Variants in LIMA1 observed in about 807,000 individuals in gnomAD.
The protein encoded by LIMA1 is LIM domain and actin binding 1.
LIMA1 carries 52 observed loss-of-function variants against 62.6 expected under a neutral mutation model. That is an observed-to-expected ratio of 0.83 (90% CI 0.67 to 1.05). LIMA1 has a LOEUF of 1.05. LIMA1 is among the 50% of genes least tolerant of loss of function. The probability of loss-of-function intolerance (pLI) is 0.00; values close to 1 mark genes in which losing one functional copy is unlikely to be tolerated. For synonymous variants in LIMA1, 302 were observed against 317.8 expected (o/e 0.95, Z 0.53); for missense variants, 780 against 902.2 (o/e 0.86, Z 1.74).
chr12:50,255,157 CCT>C (rs370502546), intron 1 of LIMA1, among the ~76,000 whole-genome samples: 58 of 152,210 alleles, frequency 3.8e-4, no homozygotes, highest in Non-Finnish European at 6.5e-4. Context: ...TCAGTGGCCT[CCT>C]CTCTTTTTTT....
chr12:50,283,101 T>C (rs1942359748), intron 1 of LIMA1, among the ~76,000 whole-genome samples: 1 of 151,854 alleles, frequency 6.6e-6, no homozygotes, highest in Admixed American at 6.6e-5. Context: ...TTTGGAGTTT[T>C]AATGAATTGT....
At chr12:50,281,639 C>G (rs1942341178) in intron 1 of LIMA1, among the ~76,000 whole-genome samples, 2 of 152,168 alleles carry the variant, frequency 1.3e-5, no homozygotes. Flanking sequence ...GGAAACAGAT[C>G]CAACTATTTA....
intron 5 of LIMA1, 108 bp from the exon 6 acceptor site, chr12:50,204,808 C>T: frequency 1.9e-6 from 2 of 1,060,010 alleles, no homozygotes; most frequent in Non-Finnish European, 2.8e-6. Flanking sequence ...CAGCCTCGAA[C>T]TCCTGAGCTC....
At chr12:50,193,207 C>CA (rs1188031345) in intron 8 of LIMA1, among the ~76,000 whole-genome samples, 2 of 151,344 alleles carry the variant, frequency 1.3e-5, no homozygotes, top group Non-Finnish European at 2.9e-5. Flanking sequence ...GCTTATTTTT[C>CA]AAAAAAATGT....
rs557821277 is a variant in LIMA1, at chr12:50,190,626, C to T, written c.1140+1826G>A. On this transcript the variant is annotated intron_variant, in intron 9 of 10. Coordinates refer to ENST00000341247, the MANE Select transcript of LIMA1 (RefSeq NM_016357.5). ...AACTCCCGACCTCAGGTGATCCGCC[C>T]GTCTCAGCCTCCCAAAGTGCTGGGA... Among the ~76,000 whole-genome samples, 21 of 146,986 alleles carry T rather than the reference C, an allele frequency of 1.4e-4. No individual in the cohort carries two copies. In the East Asian group the frequency reaches 4.2e-3, roughly 30 times the overall value.
chr12:50,236,585 C>T (rs550829248), intron 2 of LIMA1, among the ~76,000 whole-genome samples: 1 of 152,026 alleles, frequency 6.6e-6, no homozygotes, highest in Non-Finnish European at 1.5e-5. Flanking sequence ...AGGCGTGAGC[C>T]ACCGCACCCG....
intron 3 of LIMA1, among the ~76,000 whole-genome samples, chr12:50,225,251 T>C (rs571653385): frequency 7.8e-4 from 118 of 152,240 alleles, no homozygotes; most frequent in African/African-American, 2.3e-3. Context: ...TTTAATTTAT[T>C]ATTTTTCTCA....
intron 9 of LIMA1, among the ~76,000 whole-genome samples, chr12:50,184,692 G>T (rs1940586776): frequency 6.6e-6 from 1 of 152,126 alleles, no homozygotes; most frequent in Non-Finnish European, 1.5e-5. Flanking sequence ...TAAATTTTTG[G>T]TGTAATAGTA....
chr12:50,176,753 C>T lies in LIMA1; in HGVS notation c.*311G>A. 1 of 249,214 alleles carries T rather than the reference C, an allele frequency of 4.0e-6. No homozygotes were observed. Among genetic ancestry groups the T allele is most frequent in the South Asian group, 1.4e-4 (1 of 7,160 alleles). 15.4% of individuals were successfully genotyped at this position (249,214 alleles called of 1,614,324 possible). A position where few individuals can be genotyped will look rare whatever the true frequency, so the allele number is the denominator to read the frequency against. Reference sequence around the variant, plus strand: ...AATCATCTGTCTACCTTAATATTGCCTTTTGGGAATACAGTAGAATCTGGG... The same window carrying T: ...AATCATCTGTCTACCTTAATATTGCTTTTTGGGAATACAGTAGAATCTGGG... On this transcript the variant is annotated 3_prime_UTR_variant, in exon 11 of 11. Transcript: ENST00000341247.
intron 8 of LIMA1, among the ~76,000 whole-genome samples, chr12:50,194,748 A>T (rs911150682): frequency 5.3e-5 from 8 of 151,962 alleles, no homozygotes; most frequent in Non-Finnish European, 1.2e-4. Context: ...CAAAAATATT[A>T]AAAAATTAGC....
intron 1 of LIMA1, among the ~76,000 whole-genome samples, chr12:50,258,582 C>A (rs1156344433): frequency 6.7e-6 from 1 of 150,320 alleles, no homozygotes; most frequent in Non-Finnish European, 1.5e-5. Context: ...TAGGTGTGAG[C>A]CACTGTGCCT....
intron 5 of LIMA1, 122 bp from the exon 6 acceptor site, chr12:50,204,822 A>G (rs2138485525): frequency 1.1e-6 from 1 of 884,422 alleles, no homozygotes; most frequent in Non-Finnish European, 1.7e-6. Context: ...TGAGCTCAAG[A>G]TATCCTCCCG....
chr12:50,257,467 A>G (rs1942011719), intron 1 of LIMA1, among the ~76,000 whole-genome samples: 1 of 152,226 alleles, frequency 6.6e-6, no homozygotes, highest in Admixed American at 6.5e-5. Flanking sequence ...TGCCACCCAG[A>G]AGGAATGCTG....
chr12:50,258,462 T>C (rs370748467), intron 1 of LIMA1, among the ~76,000 whole-genome samples: 25 of 151,820 alleles, frequency 1.6e-4, no homozygotes, highest in African/African-American at 5.8e-4. Flanking sequence ...GCCTGGCTAA[T>C]ATTTTAAATT....
chr12:50,278,722 A>G (rs189731830), intron 1 of LIMA1, among the ~76,000 whole-genome samples: 1 of 152,228 alleles, frequency 6.6e-6, no homozygotes, highest in East Asian at 1.9e-4. Context: ...ATAAATTATT[A>G]AATAGATTAC....
chr12:50,259,825 T>C (rs989935322), intron 1 of LIMA1, among the ~76,000 whole-genome samples: 3 of 152,196 alleles, frequency 2.0e-5, no homozygotes, highest in African/African-American at 7.2e-5. Flanking sequence ...AATGTTTACA[T>C]CAGGACAGAC....
At chr12:50,187,698 C>G (rs562420468) in intron 9 of LIMA1, 1 of 152,228 alleles carries the variant, frequency 6.6e-6, no homozygotes, top group Admixed American at 6.5e-5. Flanking sequence ...GGCAGGGTAC[C>G]GAGAGGGGCA....
At chr12:50,178,181 A>G (rs1431886490) in intron 10 of LIMA1, 112 bp from the exon 11 acceptor site, 4 of 788,074 alleles carry the variant, frequency 5.1e-6, no homozygotes, top group Non-Finnish European at 5.5e-6. Flanking sequence ...AAGTAAGAAA[A>G]AGATCTTTAA....
intron 4 of LIMA1, among the ~76,000 whole-genome samples, chr12:50,221,240 C>T (rs1272532671): frequency 1.3e-5 from 2 of 152,054 alleles, no homozygotes; most frequent in Admixed American, 1.3e-4. Context: ...ACTGTTGTAA[C>T]GAACCATCCC....
Sources: allele counts gnomAD v4.1 joint callset (sites outside exome capture counted in the v4.1 genomes callset), GRCh38; gene constraint gnomAD v4.1.1; transcripts MANE v1.5; gene names NCBI Gene and HGNC (gene_info 2026-07-23, HGNC 2026-07-21).